ZBTB45: variants seen among roughly 807,000 people sequenced by gnomAD.
The protein encoded by ZBTB45 is zinc finger and BTB domain-containing protein 45.
Under a neutral mutation model 28.4 loss-of-function variants are expected in ZBTB45, and 22 were observed. The ratio of observed to expected loss-of-function variants is 0.77; its 90% CI spans 0.55 to 1.10. The LOEUF is 1.10. Ranked by LOEUF, ZBTB45 falls within the 50% of genes least tolerant of loss-of-function variation. The pLI is 0.00. For synonymous variants in ZBTB45, 361 were observed against 332.3 expected, an observed-to-expected ratio of 1.09 and a Z score of -0.94; for missense variants, 656 against 750.2, an observed-to-expected ratio of 0.87 and a Z score of 1.47.
At chr19:58,523,256 G>T (rs113371576), upstream of ZBTB45, among the ~76,000 whole-genome samples, 2 of 144,608 alleles carry the variant, frequency 1.4e-5, no homozygotes, top group Non-Finnish European at 3.2e-5. Context: ...AAGGCTGGGC[G>T]TGGTGGCGTC....
chr19:58,524,108 T>C (rs1254757271), upstream of ZBTB45, among the ~76,000 whole-genome samples: 1 of 138,670 alleles, frequency 7.2e-6, no homozygotes, highest in Non-Finnish European at 1.5e-5. Flanking sequence ...GGCTTATGCC[T>C]GTCATCTCAG....
At chr19:58,530,427 C>T (rs1367079098) in intron 1 of ZBTB45, among the ~76,000 whole-genome samples, 1 of 152,092 alleles carries the variant, frequency 6.6e-6, no homozygotes, top group African/African-American at 2.4e-5. Context: ...CCTGCCTCGC[C>T]TCCCAAGTAG....
chr19:58,516,983 C>T lies in ZBTB45; in HGVS notation c.691G>A (p.Gly231Ser), dbSNP rs764914832. 1.1e-5 allele frequency: 18 copies of T among 1,613,068 alleles called. No homozygotes were observed. In the African/African-American group the frequency reaches 2.1e-4, roughly 19 times the overall value. Residue 231 changes from glycine (G) to serine (S), a missense_variant, in exon 2 of 3, where the codon GGC (glycine) becomes AGC (serine). This residue lies in a region of ZBTB45 where 448 missense variants were observed against 444.3 expected (regional missense o/e 1.01). Coordinates refer to ENST00000594051, the MANE Select transcript of ZBTB45 (RefSeq NM_001316979.2). This position sits in a 1 kb window ranked among gnomAD's most constrained non-coding sequence, Gnocchi z 6.2. ...TCTGGGAAGGAAGGAGGTGCCTGGC[C>T]CTCGCCTGGGCCGCCACCTTCGCCA... ...EDGEGGGPGE[G>S]QAPPSFPDCA...
chr19:58,521,208 C>CA (rs1048608002), upstream of ZBTB45, among the ~76,000 whole-genome samples: 33 of 135,336 alleles, frequency 2.4e-4, no homozygotes, highest in South Asian at 2.6e-3. Context: ...ACTAAAAATA[C>CA]AAAAAAAAAT....
At chr19:58,524,804 A>C (rs1488036088), upstream of ZBTB45, among the ~76,000 whole-genome samples, 1 of 151,410 alleles carries the variant, frequency 6.6e-6, no homozygotes, top group Non-Finnish European at 1.5e-5. Context: ...AATGGCGTGA[A>C]CCTGGGAGGT....
At chr19:58,527,794 C>G (rs752169915) in intron 1 of ZBTB45, among the ~76,000 whole-genome samples, 1 of 152,152 alleles carries the variant, frequency 6.6e-6, no homozygotes, top group Non-Finnish European at 1.5e-5. Context: ...AAGGGCTGCT[C>G]TCCACCCTGC....
chr19:58,529,020 G>A (rs1267447306), intron 1 of ZBTB45, among the ~76,000 whole-genome samples: 1 of 149,214 alleles, frequency 6.7e-6, no homozygotes, highest in African/African-American at 2.5e-5. Context: ...GGAGGCAGAG[G>A]TTGCAGTGAG....
At chr19:58,529,437 G>A (rs1350802516) in intron 1 of ZBTB45, among the ~76,000 whole-genome samples, 2 of 152,096 alleles carry the variant, frequency 1.3e-5, no homozygotes, top group African/African-American at 2.4e-5. Context: ...ACAGATAACC[G>A]TTTTAAAGTG....
At chr19:58,538,418 G>A (rs1488040918) in intron 1 of ZBTB45, among the ~76,000 whole-genome samples, 3 of 152,042 alleles carry the variant, frequency 2.0e-5, no homozygotes, top group Non-Finnish European at 2.9e-5. Flanking sequence ...GGGGCGGGCC[G>A]GCTAGCGAGG....
chr19:58,533,861 T>G (rs1157707144), intron 1 of ZBTB45, among the ~76,000 whole-genome samples: 2 of 152,176 alleles, frequency 1.3e-5, no homozygotes, highest in Non-Finnish European at 2.9e-5. Flanking sequence ...GGAGGGAGAA[T>G]GCAGTCAAGA....
chr19:58,538,568 A>G (rs904228897), intron 1 of ZBTB45: 1 of 152,168 alleles, frequency 6.6e-6, no homozygotes, highest in Non-Finnish European at 1.5e-5. Flanking sequence ...CCCAGTCCCC[A>G]TCAGGAACAA....
rs778955369 is a variant in ZBTB45 at position 58,516,743 on chromosome 19, C to T, written c.931G>A (p.Asp311Asn). 25 of 1,611,172 alleles carry T rather than the reference C, an allele frequency of 1.6e-5. No homozygotes were observed. The highest frequency in any genetic ancestry group is 7.7e-5 in the South Asian group (7 of 90,760). Residue 311 changes from aspartate (D) to asparagine (N), a missense_variant, in exon 2 of 3, where the codon GAC (aspartate) becomes AAC (asparagine). By Grantham distance (23) the Asp-to-Asn change is conservative. This residue lies in a region of ZBTB45 where 448 missense variants were observed against 444.3 expected (regional missense o/e 1.01). Transcript: ENST00000594051. The surrounding 1 kb of genome is among the most constrained non-coding windows in gnomAD (Gnocchi z 6.2). ...GCPTETPVQP[D>N]CILSGSRPPG... is the part of the protein sequence containing the mutation. Reference sequence around the variant, plus strand: ...GGGCGGGATCCAGACAGTATGCAGTCGGGCTGGACAGGGGTCTCAGTGGGA... The same window carrying T: ...GGGCGGGATCCAGACAGTATGCAGTTGGGCTGGACAGGGGTCTCAGTGGGA...
chr19:58,524,313 C>T (rs868770257), upstream of ZBTB45, among the ~76,000 whole-genome samples: 7 of 151,308 alleles, frequency 4.6e-5, no homozygotes, highest in African/African-American at 1.5e-4. Context: ...TGCAGTGAGC[C>T]GAGATCGCGC....
In ZBTB45 at chr19:58,517,339, T is replaced by C; in HGVS notation, c.335A>G (p.Gln112Arg). Residue 112 changes from glutamine (Q) to arginine (R), a missense_variant, in exon 2 of 3, where the codon CAG becomes CGG. By Grantham distance (43) the Gln-to-Arg change is conservative. Around this residue, in one of 3 missense-constraint regions of ZBTB45, gnomAD observed 448 missense variants for 444.3 expected, o/e 1.01. Transcript: ENST00000594051. ...VLTAASVLRI[Q>R]TVIDECTQII... ...CTGCGTGCATTCGTCGATAACTGTC[T>C]GTATGCGAAGCACTGACGCGGCCGT... The C allele has an allele frequency of 6.2e-7, 1 of 1,611,494 alleles. No homozygotes were observed. Among genetic ancestry groups the C allele is most frequent in the Non-Finnish European group, 8.5e-7 (1 of 1,179,838 alleles).
In ZBTB45 at chr19:58,513,637, G is replaced by A. The variant is rs1039940463; in HGVS notation, c.*417C>T. 5.6e-6 allele frequency: 1 copy of A among 179,370 alleles called. No individual in the cohort carries two copies. The highest frequency in any genetic ancestry group is 1.2e-5 in the Non-Finnish European group (1 of 86,512). The allele number at this position is 179,370 out of a possible 1,614,324, so 11.1% of individuals were successfully genotyped here. A position where few individuals can be genotyped will look rare whatever the true frequency, so the allele number is the denominator to read the frequency against. On this transcript the variant is annotated 3_prime_UTR_variant, in exon 3 of 3. Transcript: ENST00000594051. ...TTGAGTCTCCTTAGGCGCCCCATGAGGGAGTAACAGCTTGGGTAGAGAGCT... is the reference window on the plus strand; with the variant it reads ...TTGAGTCTCCTTAGGCGCCCCATGAAGGAGTAACAGCTTGGGTAGAGAGCT...
intron 1 of ZBTB45, among the ~76,000 whole-genome samples, chr19:58,532,486 T>C (rs1362752375): frequency 2.0e-5 from 3 of 152,180 alleles, no homozygotes; most frequent in African/African-American, 4.8e-5. Context: ...GTAGGTTTCA[T>C]TCTGAGGACT....
chr19:58,529,678 A>G (rs1181423415), intron 1 of ZBTB45, among the ~76,000 whole-genome samples: 1 of 152,158 alleles, frequency 6.6e-6, no homozygotes, highest in African/African-American at 2.4e-5. Flanking sequence ...TCACATAGGT[A>G]TACACATGCC....
Position 58,515,927 on chromosome 19 carries a change from G to C in ZBTB45, c.1279+468C>G, listed in dbSNP as rs1489708708. Among the ~76,000 whole-genome samples the C allele has an allele frequency of 6.6e-5, 10 of 152,216 alleles. No homozygotes were observed. Among genetic ancestry groups the C allele is most frequent in the Middle Eastern group, 6.8e-3 (2 of 294 alleles). On this transcript the variant is annotated intron_variant, in intron 2 of 2. Transcript: ENST00000594051. This position sits in a 1 kb window ranked among gnomAD's most constrained non-coding sequence, Gnocchi z 4.7. ...CATGCCCCAGTCTCAGGAGTTCCTG[G>C]GGCCTTCATCCCACCACCTCTGAGG...
At chr19:58,529,927 T>TGA (rs2122591874) in intron 1 of ZBTB45, among the ~76,000 whole-genome samples, 1 of 152,222 alleles carries the variant, frequency 6.6e-6, no homozygotes, top group South Asian at 2.1e-4. Context: ...TGGCTGGGTG[T>TGA]GGTGGCTCAT....
Sources: allele counts gnomAD v4.1 joint callset (sites outside exome capture counted in the v4.1 genomes callset), GRCh38; gene constraint gnomAD v4.1.1; regional missense constraint gnomAD v4.1.1; non-coding constraint Gnocchi (gnomAD v3.1); transcripts MANE v1.5; gene names NCBI Gene and HGNC (gene_info 2026-07-23, HGNC 2026-07-21).